Variants in ITGBL1 observed in about 807,000 individuals in gnomAD.
ITGBL1 encodes integrin beta-like protein 1.
Under a neutral mutation model 68.5 loss-of-function variants are expected in ITGBL1, and 51 were observed. The observed-to-expected ratio is 0.74, with a 90% CI of 0.59 to 0.94. The LOEUF (loss-of-function observed/expected upper bound fraction) is 0.94, where lower values mean the gene tolerates loss of function less well. ITGBL1 is among the 40% of genes least tolerant of loss of function. The pLI, the probability that ITGBL1 is intolerant of heterozygous loss-of-function variation, is 0.00. For missense variants in ITGBL1, 649 were observed against 647.4 expected (o/e 1.00, Z -0.03); for synonymous variants, 209 against 227.3 (o/e 0.92, Z 0.72).
At chr13:101,524,734 G>A (rs1270692435) in intron 2 of ITGBL1, among the ~76,000 whole-genome samples, 3 of 149,126 alleles carry the variant, frequency 2.0e-5, no homozygotes, top group Non-Finnish European at 4.4e-5. Context: ...GGTAGACTAT[G>A]AAAAAAATGA....
chr13:101,452,946 T>C lies in ITGBL1; in HGVS notation c.98+15T>C. 1 of 1,610,352 alleles carries C rather than the reference T, an allele frequency of 6.2e-7. No homozygotes were observed. The highest frequency in any genetic ancestry group is 8.5e-7 in the Non-Finnish European group (1 of 1,176,502). ...CCATCTCTGAGGTAAGTTTGGTTTG[T>C]TATTCTTCAGTACAGACCTGCCCTG... On this transcript the variant is annotated intron_variant, in intron 1 of 10. Coordinates refer to ENST00000376180, the MANE Select transcript of ITGBL1 (RefSeq NM_004791.3).
intron 7 of ITGBL1, among the ~76,000 whole-genome samples, chr13:101,608,729 A>T (rs984175499): frequency 2.0e-5 from 3 of 152,048 alleles, no homozygotes; most frequent in Non-Finnish European, 4.4e-5. Context: ...TGCTAGATTG[A>T]TTCATTATTT....
intron 7 of ITGBL1, among the ~76,000 whole-genome samples, chr13:101,619,646 A>G (rs1173433808): frequency 1.3e-5 from 2 of 152,154 alleles, no homozygotes; most frequent in African/African-American, 4.8e-5. Context: ...GTAATTTGTT[A>G]TTGTAGGACC....
chr13:101,535,112 G>A (rs989430430), intron 2 of ITGBL1, among the ~76,000 whole-genome samples: 2 of 152,010 alleles, frequency 1.3e-5, no homozygotes, highest in African/African-American at 4.8e-5. Flanking sequence ...CCAGAAAGAG[G>A]CTTTTCTTTC....
intron 2 of ITGBL1, among the ~76,000 whole-genome samples, chr13:101,505,702 A>G (rs1323802166): frequency 6.6e-6 from 1 of 152,194 alleles, no homozygotes; most frequent in African/African-American, 2.4e-5. Context: ...TTGCCAGCCA[A>G]TGAGCTTAAG....
intron 2 of ITGBL1, among the ~76,000 whole-genome samples, chr13:101,506,884 A>G (rs1222618491): frequency 6.6e-6 from 1 of 152,176 alleles, no homozygotes; most frequent in Non-Finnish European, 1.5e-5. Flanking sequence ...AAAGAGAGTC[A>G]TTGTTTGTTC....
At chr13:101,652,481 G>A (rs2032783102) in intron 7 of ITGBL1, among the ~76,000 whole-genome samples, 1 of 152,142 alleles carries the variant, frequency 6.6e-6, no homozygotes, top group Non-Finnish European at 1.5e-5. Flanking sequence ...ATAATGCCAG[G>A]AAACTAGTTG....
chr13:101,716,635 T>C (rs1490277402), downstream of ITGBL1: 1 of 152,064 alleles, frequency 6.6e-6, no homozygotes. Flanking sequence ...AATATTGAGT[T>C]ACATATAAAA....
intron 2 of ITGBL1, among the ~76,000 whole-genome samples, chr13:101,484,557 C>T (rs1278365817): frequency 6.6e-6 from 1 of 152,060 alleles, no homozygotes; most frequent in Non-Finnish European, 1.5e-5. Context: ...GAAGATGGAG[C>T]ATTCGAAGCT....
At chr13:101,521,215 A>G (rs1337988825) in intron 2 of ITGBL1, among the ~76,000 whole-genome samples, 1 of 152,172 alleles carries the variant, frequency 6.6e-6, no homozygotes, top group Non-Finnish European at 1.5e-5. Flanking sequence ...TTCACTCATT[A>G]TTTCACTTCT....
At chr13:101,587,123 G>A (rs1566743880) in intron 6 of ITGBL1, among the ~76,000 whole-genome samples, 1 of 152,124 alleles carries the variant, frequency 6.6e-6, no homozygotes, top group Non-Finnish European at 1.5e-5. Context: ...ATTAGTTTAA[G>A]TTAGCTCTTT....
intron 2 of ITGBL1, among the ~76,000 whole-genome samples, chr13:101,486,816 C>T (rs2048708854): frequency 6.6e-6 from 1 of 152,048 alleles, no homozygotes; most frequent in Non-Finnish European, 1.5e-5. Flanking sequence ...GTTTGTTTAG[C>T]ACTAGAAGGA....
intron 7 of ITGBL1, among the ~76,000 whole-genome samples, chr13:101,604,887 T>TATATATATATATATATATATATACAC: frequency 1.8e-4 from 4 of 22,164 alleles, no homozygotes; most frequent in Non-Finnish European, 3.3e-4. Context: ...TATATATATA[T>TATATATATATATATATATATATACAC]ACACACACAC....
At chr13:101,511,165 C>T (rs1182808521) in intron 2 of ITGBL1, among the ~76,000 whole-genome samples, 1 of 151,766 alleles carries the variant, frequency 6.6e-6, no homozygotes, top group Non-Finnish European at 1.5e-5. Flanking sequence ...TTATTGTTTT[C>T]TTTCTTAGAA....
At chr13:101,695,494 C>T (rs981673431) in intron 8 of ITGBL1, among the ~76,000 whole-genome samples, 1 of 152,202 alleles carries the variant, frequency 6.6e-6, no homozygotes, top group African/African-American at 2.4e-5. Context: ...TTAAACAGAG[C>T]TTAAACATGA....
At chr13:101,592,196 T>C (rs1390361815) in intron 6 of ITGBL1, among the ~76,000 whole-genome samples, 1 of 152,124 alleles carries the variant, frequency 6.6e-6, no homozygotes, top group African/African-American at 2.4e-5. Flanking sequence ...TTGAAAAATT[T>C]AATATCTTTT....
At chr13:101,613,265 C>T (rs970541471) in intron 7 of ITGBL1, among the ~76,000 whole-genome samples, 6 of 152,058 alleles carry the variant, frequency 3.9e-5, no homozygotes, top group African/African-American at 4.8e-5. Context: ...CCAGGGCATA[C>T]GATTTAATAG....
At chr13:101,657,589 GTGT>G (rs1432888626) in intron 7 of ITGBL1, among the ~76,000 whole-genome samples, 1 of 152,106 alleles carries the variant, frequency 6.6e-6, no homozygotes, top group African/African-American at 2.4e-5. Context: ...AACTCTAATG[GTGT>G]TGTTGTAGAT....
chr13:101,693,371 G>A (rs945743934), intron 8 of ITGBL1, among the ~76,000 whole-genome samples: 2 of 152,170 alleles, frequency 1.3e-5, no homozygotes, highest in African/African-American at 2.4e-5. Context: ...CAGTATAAAT[G>A]AAGTGATGTG....
Sources: gnomAD v4.1 joint callset for allele counts (sites outside exome capture counted in the v4.1 genomes callset) on GRCh38, gnomAD v4.1.1 for gene constraint, MANE v1.5 for transcripts, NCBI Gene and HGNC (gene_info 2026-07-23, HGNC 2026-07-21) for gene names.